CHD6: variants seen among roughly 807,000 people sequenced by gnomAD.
CHD6 encodes chromodomain helicase DNA binding protein 6.
Under a neutral mutation model 276.9 loss-of-function variants are expected in CHD6, and 50 were observed. The ratio of observed to expected loss-of-function variants is 0.18; its 90% CI spans 0.14 to 0.23. The LOEUF (loss-of-function observed/expected upper bound fraction) is 0.23. Ranked by LOEUF, CHD6 falls within the 10% of genes least tolerant of loss-of-function variation. The pLI is 1.00. For synonymous variants in CHD6, 1,173 were observed against 1,229.3 expected (o/e 0.95, Z 0.96); for missense variants, 2,564 against 3,365.8 (o/e 0.76, Z 5.89).
chr20:41,594,447 G>C (rs751729079), intron 1 of CHD6, among the ~76,000 whole-genome samples: 1 of 152,118 alleles, frequency 6.6e-6, no homozygotes, highest in Admixed American at 6.5e-5. Context: ...ATCTGTGCAC[G>C]AGCTATCATG....
At chr20:41,615,312 C>A (rs1415481232) in intron 1 of CHD6, among the ~76,000 whole-genome samples, 2 of 146,562 alleles carry the variant, frequency 1.4e-5, no homozygotes, top group Admixed American at 1.4e-4. Flanking sequence ...AATGCTAGTT[C>A]TTTTTGCTCC....
At chr20:41,531,030 G>C (rs2044672605) in intron 3 of CHD6, among the ~76,000 whole-genome samples, 1 of 152,160 alleles carries the variant, frequency 6.6e-6, no homozygotes, top group African/African-American at 2.4e-5. Context: ...ACAGAATCCT[G>C]ATTTTGCCTA....
chr20:41,596,910 A>G (rs948036137), intron 1 of CHD6, among the ~76,000 whole-genome samples: 27 of 152,182 alleles, frequency 1.8e-4, no homozygotes, highest in Admixed American at 9.8e-4. Flanking sequence ...CCCAAAAAGT[A>G]TATGTAAGAA....
At chr20:41,611,700 G>A (rs1286197652) in intron 1 of CHD6, among the ~76,000 whole-genome samples, 10 of 151,940 alleles carry the variant, frequency 6.6e-5, no homozygotes, top group African/African-American at 2.4e-4. Context: ...TCAGTTCACT[G>A]GATCTCAGTT....
At chr20:41,406,449 G>T (rs1035844309) in intron 36 of CHD6, among the ~76,000 whole-genome samples, 3 of 152,210 alleles carry the variant, frequency 2.0e-5, no homozygotes, top group African/African-American at 7.2e-5. Context: ...AGAATCCTGG[G>T]GGAGGGCAGA....
chr20:41,474,865 A>C (rs1213794859), intron 16 of CHD6, among the ~76,000 whole-genome samples: 2 of 152,192 alleles, frequency 1.3e-5, no homozygotes, highest in Non-Finnish European at 1.5e-5. Flanking sequence ...AAAGCAAAGA[A>C]ACAAGTCTGA....
intron 1 of CHD6, among the ~76,000 whole-genome samples, chr20:41,565,346 G>A (rs1016811106): frequency 1.3e-5 from 2 of 152,026 alleles, no homozygotes; most frequent in East Asian, 3.9e-4. Flanking sequence ...CACCCGCCTC[G>A]GCCTCCCAAA....
In CHD6 at chr20:41,427,109, G is replaced by A. The variant is rs76510619; in HGVS notation, c.4069-956C>T. 1.1e-4 allele frequency among the ~76,000 whole-genome samples: 17 copies of A among 152,000 alleles called. No individual in the cohort carries two copies. The East Asian group carries it at 3.1e-3, about 28-fold the overall frequency. ...TTAAAGGGTGAAAAAAAGGGAGGAA[G>A]AATATGCAACAGAAGCCATATATGG... On this transcript the variant is annotated intron_variant, in intron 27 of 36. Coordinates refer to ENST00000373233, the MANE Select transcript of CHD6 (RefSeq NM_032221.5).
At chr20:41,561,125 A>C (rs563189177) in intron 1 of CHD6, among the ~76,000 whole-genome samples, 5 of 152,360 alleles carry the variant, frequency 3.3e-5, no homozygotes, top group African/African-American at 1.2e-4. Flanking sequence ...TGTGATGTGA[A>C]AACAGCCATA....
At chr20:41,604,936 TG>T (rs1169492076) in intron 1 of CHD6, among the ~76,000 whole-genome samples, 4 of 151,448 alleles carry the variant, frequency 2.6e-5, no homozygotes, top group Non-Finnish European at 5.9e-5. Flanking sequence ...GAGTTGGGGG[TG>T]GGGAGGCTAC....
Position 41,404,227 on chromosome 20 carries a change from C to T in CHD6, c.*366G>A, listed in dbSNP as rs1385773551. On this transcript the variant is annotated 3_prime_UTR_variant, in exon 37 of 37. Transcript: ENST00000373233. ...GCTCCTCTTTGTCTCTGTTCTTCCA[C>T]CCTTCAATGGTAAAACCCTAGACAG... is the stretch of plus-strand genomic sequence containing the variant. The T allele has an allele frequency of 3.7e-6, 4 of 1,075,322 alleles. No homozygotes were observed. The highest frequency in any genetic ancestry group is 4.5e-6 in the Non-Finnish European group (4 of 886,886). 66.6% of individuals were successfully genotyped at this position (1,075,322 alleles called of 1,614,324 possible).
intron 26 of CHD6, among the ~76,000 whole-genome samples, 191 bp downstream of exon 26, chr20:41,439,809 G>A (rs1259333972): frequency 6.6e-6 from 1 of 152,194 alleles, no homozygotes; most frequent in African/African-American, 2.4e-5. Context: ...GTGCTTGGAA[G>A]TCAAAGAGCA....
At chr20:41,488,306 A>C in intron 13 of CHD6, 122 bp downstream of exon 13, 1 of 974,788 alleles carries the variant, frequency 1.0e-6, no homozygotes, top group Non-Finnish European at 1.5e-6. Context: ...TAGAGACCAA[A>C]AAAGAAAATC....
intron 3 of CHD6, among the ~76,000 whole-genome samples, chr20:41,518,532 G>T (rs1357633765): frequency 6.6e-6 from 1 of 152,160 alleles, no homozygotes; most frequent in Non-Finnish European, 1.5e-5. Flanking sequence ...AGAAGCTGGG[G>T]GTTAGGTAGC....
chr20:41,413,583 C>T, intron 34 of CHD6, 68 bp from the exon 35 acceptor site: 1 of 1,285,792 alleles, frequency 7.8e-7, no homozygotes, highest in Non-Finnish European at 1.1e-6. Flanking sequence ...AGAAAGAAAA[C>T]ATGTAAGGTG....
chr20:41,535,549 A>G (rs1218456144), intron 2 of CHD6, among the ~76,000 whole-genome samples: 6 of 152,164 alleles, frequency 3.9e-5, no homozygotes, highest in African/African-American at 1.4e-4. Flanking sequence ...GACCAGCATG[A>G]TGGAACTTGG....
Position 41,405,016 on chromosome 20 carries a change from G to A in CHD6, c.7725C>T (p.Ser2575=). Residue 2575 remains serine, a synonymous_variant, in exon 37 of 37, where the codon AGC becomes AGT. Transcript: ENST00000373233. ...TEKTAEDKPS[S]HDVKTDTLAE... is the part of the protein sequence containing the mutation. ...CTAAAGTGTCTGTTTTCACATCATGGCTACTCGGCTTGTCTTCCGCAGTCT... is the reference window on the plus strand; with the variant it reads ...CTAAAGTGTCTGTTTTCACATCATGACTACTCGGCTTGTCTTCCGCAGTCT... 1.2e-6 allele frequency: 2 copies of A among 1,614,202 alleles called. No homozygotes were observed. The highest frequency in any genetic ancestry group is 1.7e-6 in the Non-Finnish European group (2 of 1,180,048).
rs369022690 is a variant in CHD6, at chr20:41,415,232, A to G, written c.6893T>C (p.Met2298Thr). ...CTGCTCCTTCAAAAAGATGAGGTCC[A>G]TCCCTCCTTCAACATGTTTCCGCCT... ...RGRRKHVEGG[M>T]DLIFLKEQTL... Residue 2298 changes from methionine (M) to threonine (T), a missense_variant, in exon 34 of 37, where the codon ATG (methionine) becomes ACG (threonine). By Grantham distance (81) the Met-to-Thr change is moderately conservative. This residue lies in a region of CHD6 where 1,024 missense variants were observed against 1,047.9 expected (regional missense o/e 0.98). Coordinates refer to ENST00000373233, the MANE Select transcript of CHD6 (RefSeq NM_032221.5). 2 of 1,613,806 alleles carry G rather than the reference A, an allele frequency of 1.2e-6. No individual in the cohort carries two copies. The highest frequency in any genetic ancestry group is 1.7e-6 in the Non-Finnish European group (2 of 1,179,860).
At position 41,452,556 on chromosome 20, in the gene CHD6, G is replaced by A. The variant is rs112483864; in HGVS notation, c.3323+184C>T. ...CATGGCATGTCTGCATTGTGGTTGCGGAGCATACGGTGACTGAGACGGATT... is the reference window on the plus strand; with the variant it reads ...CATGGCATGTCTGCATTGTGGTTGCAGAGCATACGGTGACTGAGACGGATT... On this transcript the variant is annotated intron_variant, in intron 21 of 36. Coordinates refer to ENST00000373233, the MANE Select transcript of CHD6 (RefSeq NM_032221.5). This position sits in a 1 kb window ranked among gnomAD's most constrained non-coding sequence, Gnocchi z 4.2. Among the ~76,000 whole-genome samples the A allele has an allele frequency of 0.012, 1,819 of 152,216 alleles. 35 individuals carry two copies. The highest frequency in any genetic ancestry group is 0.041 in the African/African-American group (1,699 of 41,532).
Sources: allele counts gnomAD v4.1 joint callset (sites outside exome capture counted in the v4.1 genomes callset), GRCh38; gene constraint gnomAD v4.1.1; regional missense constraint gnomAD v4.1.1; non-coding constraint Gnocchi (gnomAD v3.1); transcripts MANE v1.5; gene names NCBI Gene and HGNC (gene_info 2026-07-23, HGNC 2026-07-21).